SLC39A8: variants seen among roughly 807,000 people sequenced by gnomAD.
SLC39A8 encodes the protein metal cation symporter ZIP8.
Under a neutral mutation model 40.4 loss-of-function variants are expected in SLC39A8, and 15 were observed. The observed-to-expected ratio is 0.37, with a 90% confidence interval of 0.25 to 0.57. The LOEUF is 0.57. SLC39A8 is among the 20% of genes least tolerant of loss of function. The pLI is 0.75. For synonymous variants in SLC39A8, 223 were observed against 221.6 expected (o/e 1.01, Z -0.06); for missense variants, 472 against 558.8 (o/e 0.84, Z 1.57).
intron 2 of SLC39A8, among the ~76,000 whole-genome samples, chr4:102,328,314 G>A (rs1174861101): frequency 6.6e-6 from 1 of 151,386 alleles, no homozygotes; most frequent in Admixed American, 6.6e-5. Context: ...AAATACAATG[G>A]GTGCTTCTCA....
downstream of SLC39A8, among the ~76,000 whole-genome samples, chr4:102,259,048 C>T (rs1194772399): frequency 6.6e-6 from 1 of 152,236 alleles, no homozygotes; most frequent in African/African-American, 2.4e-5. Flanking sequence ...TGCAAAAGCA[C>T]TTGCCAGACC....
chr4:102,284,767 A>G (rs1249551549), intron 6 of SLC39A8, among the ~76,000 whole-genome samples: 1 of 152,206 alleles, frequency 6.6e-6, no homozygotes, highest in African/African-American at 2.4e-5. Flanking sequence ...TTGTCCAGAA[A>G]AGAATGTTTG....
chr4:102,301,047 C>T (rs1036450335), intron 6 of SLC39A8, among the ~76,000 whole-genome samples: 1 of 152,028 alleles, frequency 6.6e-6, no homozygotes, highest in African/African-American at 2.4e-5. Context: ...ACTATTATCT[C>T]AAGGCCTGGT....
At chr4:102,315,037 T>A (rs933197275) in intron 3 of SLC39A8, among the ~76,000 whole-genome samples, 8 of 152,298 alleles carry the variant, frequency 5.3e-5, no homozygotes, top group South Asian at 2.1e-4. Flanking sequence ...GTTTATCTCA[T>A]TGGTGAAAGT....
At position 102,326,732 on chromosome 4, in the gene SLC39A8, G is replaced by T. The variant is rs945683613; in HGVS notation, c.220-10902C>A. On this transcript the variant is annotated intron_variant, in intron 2 of 8. Transcript: ENST00000356736. ...CAATAATTTTTAAGAGTACAAGGGG[G>T]TCCTGAGACCAAAATGTTTGAGAAT... Among the ~76,000 whole-genome samples the T allele has an allele frequency of 1.2e-4, 18 of 152,026 alleles. 1 individual carries two copies. The highest frequency in any genetic ancestry group is 4.3e-4 in the African/African-American group (18 of 41,386).
intron 6 of SLC39A8, among the ~76,000 whole-genome samples, chr4:102,273,554 T>C (rs79069286): frequency 0.012 from 1,853 of 152,298 alleles, 48 homozygotes; most frequent in African/African-American, 0.042. Flanking sequence ...CTGCCAGCTC[T>C]GAAAAGAGCA....
chr4:102,321,735 C>T lies in SLC39A8; in HGVS notation c.220-5905G>A, dbSNP rs555140707. ...GTTTTAGACATTTCAAGTTGCAATG[C>T]TCCTGGGACCCCAAATGCAAATGAT... On this transcript the variant is annotated intron_variant, in intron 2 of 8. Coordinates refer to ENST00000356736, the MANE Select transcript of SLC39A8 (RefSeq NM_001135146.2). Among the ~76,000 whole-genome samples the T allele has an allele frequency of 3.3e-5, 5 of 152,296 alleles. No individual in the cohort carries two copies. The East Asian group carries it at 5.8e-4, about 18-fold the overall frequency.
In SLC39A8 at chr4:102,341,844, C is replaced by T. The variant is rs145422789; in HGVS notation, c.219+2600G>A. On this transcript the variant is annotated intron_variant, in intron 2 of 8. Transcript: ENST00000356736. The stretch of plus-strand genomic sequence containing the variant: ...TGAGAAAAGCTGACCTAATAAATAT[C>T]ACAGCCCTCAACCAAAAGAACAATG... Among the ~76,000 whole-genome samples the T allele has an allele frequency of 6.5e-4, 99 of 152,308 alleles. No homozygotes were observed. In the Middle Eastern group the frequency reaches 0.014, roughly 21 times the overall value.
intron 6 of SLC39A8, among the ~76,000 whole-genome samples, chr4:102,281,475 C>CA (rs1281870235): frequency 6.6e-6 from 1 of 151,732 alleles, no homozygotes; most frequent in Non-Finnish European, 1.5e-5. Context: ...GACTCACCTG[C>CA]AAAAAAAGAG....
intron 3 of SLC39A8, among the ~76,000 whole-genome samples, chr4:102,313,993 C>T (rs1304673564): frequency 6.6e-6 from 1 of 152,046 alleles, no homozygotes; most frequent in Non-Finnish European, 1.5e-5. Context: ...CCTACTGGAC[C>T]TCCCTGTCTA....
chr4:102,315,743 C>T lies in SLC39A8; in HGVS notation c.307G>A (p.Ala103Thr). The change falls in exon 3 of 9, where the codon GCA becomes ACA. Residue 103 changes from alanine (A) to threonine (T), a missense_variant. This residue lies in a region of SLC39A8 where 175 missense variants were observed against 160.5 expected (regional missense o/e 1.09). Coordinates refer to ENST00000356736, the MANE Select transcript of SLC39A8 (RefSeq NM_001135146.2). ...TGAAAGTTCAATTGCTGTAAGACTGCTGGACAGATGACAGAGAATTTGGAG... is the reference window on the plus strand; with the variant it reads ...TGAAAGTTCAATTGCTGTAAGACTGTTGGACAGATGACAGAGAATTTGGAG... ...TSSKFSVICP[A>T]VLQQLNFHPC... is the part of the protein sequence containing the mutation. The T allele has an allele frequency of 1.9e-6, 3 of 1,613,332 alleles. No individual in the cohort carries two copies. The highest frequency in any genetic ancestry group is 1.7e-5 in the Admixed American group (1 of 59,922).
At chr4:102,310,167 G>A (rs947129660) in intron 3 of SLC39A8, among the ~76,000 whole-genome samples, 1 of 151,620 alleles carries the variant, frequency 6.6e-6, no homozygotes, top group Non-Finnish European at 1.5e-5. Context: ...CCTTTACACT[G>A]TGGTTCTCTG....
rs567113413 is a variant in SLC39A8 at position 102,344,322 on chromosome 4, T to C, written c.219+122A>G. 47 of 667,714 alleles carry C rather than the reference T, an allele frequency of 7.0e-5. No individual in the cohort carries two copies. The African/African-American group carries it at 7.9e-4, about 11-fold the overall frequency. The allele number at this position is 667,714 out of a possible 1,614,324, so 41.4% of individuals were successfully genotyped here. ...GCAAGTGTCACCAGATACCGCCTTC[T>C]ACTTGAGAAATATAACAAGATTCTT... On this transcript the variant is annotated intron_variant, in intron 2 of 8. Transcript: ENST00000356736.
intron 2 of SLC39A8, among the ~76,000 whole-genome samples, chr4:102,333,385 C>T (rs1253213406): frequency 6.6e-6 from 1 of 152,046 alleles, no homozygotes; most frequent in Non-Finnish European, 1.5e-5. Flanking sequence ...GTACAATTTT[C>T]CCCATTACAC....
At chr4:102,284,396 A>C (rs929232881) in intron 6 of SLC39A8, among the ~76,000 whole-genome samples, 2 of 152,202 alleles carry the variant, frequency 1.3e-5, no homozygotes, top group African/African-American at 4.8e-5. Flanking sequence ...ATGAACCAGA[A>C]TGGCAGAGCG....
intron 6 of SLC39A8, among the ~76,000 whole-genome samples, chr4:102,297,415 C>T (rs551791298): frequency 4.6e-5 from 7 of 152,088 alleles, no homozygotes; most frequent in South Asian, 2.1e-4. Context: ...GAAGATTAAA[C>T]GAGTTAATAT....
rs1160368954 is a variant in SLC39A8, at chr4:102,328,094, T to C, written c.220-12264A>G. On this transcript the variant is annotated intron_variant, in intron 2 of 8. Transcript: ENST00000356736. ...TAAACTAAAAGTAATAAAAACTTTA[T>C]TTCCTTCTATTTAGATGGCCCATGG... is the stretch of plus-strand genomic sequence containing the variant. Among the ~76,000 whole-genome samples the C allele has an allele frequency of 4.6e-5, 7 of 152,260 alleles. No homozygotes were observed. In the East Asian group the frequency reaches 1.4e-3, roughly 29 times the overall value.
intron 2 of SLC39A8, among the ~76,000 whole-genome samples, chr4:102,338,512 C>T (rs538348336): frequency 1.3e-5 from 2 of 152,120 alleles, no homozygotes; most frequent in Non-Finnish European, 2.9e-5. Flanking sequence ...ATTATAAGGT[C>T]TCTGAGGACA....
In SLC39A8 at chr4:102,262,125, TG is replaced by T; in HGVS notation, c.*918del. 1.0e-6 allele frequency: 1 copy of T among 985,910 alleles called. No individual in the cohort carries two copies. Among genetic ancestry groups the T allele is most frequent in the Non-Finnish European group, 1.2e-6 (1 of 829,812 alleles). 61.1% of individuals were successfully genotyped at this position (985,910 alleles called of 1,614,324 possible). A position where few individuals can be genotyped will look rare whatever the true frequency, so the allele number is the denominator to read the frequency against. On this transcript the variant is annotated 3_prime_UTR_variant, in exon 9 of 9. Coordinates refer to ENST00000356736, the MANE Select transcript of SLC39A8 (RefSeq NM_001135146.2). ...CCTTGATGTACAGCAGTCCAGCTGT[TG>T]TTTTGCATTTATTAAAATATTCTCT...
Sources: allele counts gnomAD v4.1 joint callset (sites outside exome capture counted in the v4.1 genomes callset), GRCh38; gene constraint gnomAD v4.1.1; regional missense constraint gnomAD v4.1.1; transcripts MANE v1.5; gene names NCBI Gene and HGNC (gene_info 2026-07-23, HGNC 2026-07-21).